MAP3K11: variants seen among roughly 807,000 people sequenced by gnomAD.
The protein encoded by MAP3K11 is mitogen-activated protein kinase kinase kinase 11.
Under a neutral mutation model 84.9 loss-of-function variants are expected in MAP3K11, and 46 were observed. The observed-to-expected ratio is 0.54, with a 90% confidence interval of 0.43 to 0.69. MAP3K11 has a LOEUF of 0.69. MAP3K11 is among the 30% of genes least tolerant of loss of function. The pLI is 0.00. For missense variants in MAP3K11, 1,053 were observed against 1,198.3 expected (o/e 0.88, Z 1.79); for synonymous variants, 527 against 514.7 (o/e 1.02, Z -0.32).
intron 4 of MAP3K11, 54 bp from the exon 5 acceptor site, chr11:65,607,567 C>T: frequency 1.3e-6 from 2 of 1,547,870 alleles, no homozygotes; most frequent in Non-Finnish European, 8.7e-7. Context: ...ATCCCGGCAG[C>T]GCCCGCCCCG....
In MAP3K11 at chr11:65,606,759, C is replaced by T. The variant is rs1305691784; in HGVS notation, c.1535G>A (p.Arg512Gln). The change falls in exon 6 of 10, where the codon CGG (arginine) becomes CAG (glutamine). Residue 512 changes from arginine (R) to glutamine (Q), a missense_variant. Arg to Gln is a conservative substitution (Grantham distance 43, BLOSUM62 1). This residue lies in a region of MAP3K11 where 583 missense variants were observed against 566.6 expected (regional missense o/e 1.03). Transcript: ENST00000309100. Reference protein sequence around the residue: ...ITVQASPGLDRRRNVFEVGPG... With the variant: ...ITVQASPGLDQRRNVFEVGPG... ...CCCGACCTCGAAGACGTTTCTCCTC[C>T]GGTCAAGGCCGGGTGAGGCCTGCAC... 4 of 1,605,986 alleles carry T rather than the reference C, an allele frequency of 2.5e-6. No individual in the cohort carries two copies. The Admixed American group carries it at 5.1e-5, about 20-fold the overall frequency.
At chr11:65,611,169 C>G (rs1415007948) in intron 1 of MAP3K11, 1 of 152,486 alleles carries the variant, frequency 6.6e-6, no homozygotes, top group Non-Finnish European at 1.5e-5. Context: ...TCCCGTGGTC[C>G]CTACTTCTCC....
In MAP3K11 at chr11:65,598,419, A is replaced by G; in HGVS notation, c.2416T>C (p.Phe806Leu). The change falls in exon 10 of 10, where the codon TTC (phenylalanine) becomes CTC (leucine). Residue 806 changes from phenylalanine to leucine, a missense_variant. Physicochemically the swap from Phe to Leu is conservative, Grantham distance 22. Transcript: ENST00000309100. Reference sequence around the variant, plus strand: ...TCCCAGAAGGGGTCTGAGTCCGGGAACAAGGTCCAGGGTGCTCGGCGGGGT... The same window carrying G: ...TCCCAGAAGGGGTCTGAGTCCGGGAGCAAGGTCCAGGGTGCTCGGCGGGGT... ...PAPRRAPWTL[F>L]PDSDPFWDSP... is the part of the protein sequence containing the mutation. 1 of 1,594,740 alleles carries G rather than the reference A, an allele frequency of 6.3e-7. No homozygotes were observed. Among genetic ancestry groups the G allele is most frequent in the Non-Finnish European group, 8.6e-7 (1 of 1,168,632 alleles).
At chr11:65,602,787 A>G (rs1283841222) in intron 8 of MAP3K11, among the ~76,000 whole-genome samples, 1 of 151,552 alleles carries the variant, frequency 6.6e-6, no homozygotes, top group Non-Finnish European at 1.5e-5. Flanking sequence ...CCTGGGTGAC[A>G]GAACAAGACT....
At chr11:65,599,248 C>T in intron 9 of MAP3K11, 146 bp downstream of exon 9, 1 of 1,009,230 alleles carries the variant, frequency 9.9e-7, no homozygotes, top group Non-Finnish European at 1.4e-6. Flanking sequence ...CTACATGCGT[C>T]TTCAGTACCC....
chr11:65,599,101 A>G (rs1854419811), intron 9 of MAP3K11, among the ~76,000 whole-genome samples: 1 of 152,058 alleles, frequency 6.6e-6, no homozygotes, highest in Non-Finnish European at 1.5e-5. Context: ...CAACCTTTCA[A>G]GGCTCACGTG....
At chr11:65,611,927 C>T (rs1045227274) in intron 1 of MAP3K11, 2 of 152,220 alleles carry the variant, frequency 1.3e-5, no homozygotes, top group African/African-American at 4.8e-5. Context: ...GTTGGCAGGC[C>T]TCTCCTGGCT....
rs1176809094 is a variant in MAP3K11, at chr11:65,607,168, C to T, written c.1489+102G>A. 4.8e-5 allele frequency: 65 copies of T among 1,365,670 alleles called. No homozygotes were observed. The Admixed American group carries it at 5.5e-4, about 12-fold the overall frequency. 84.6% of individuals were successfully genotyped at this position (1,365,670 alleles called of 1,614,324 possible). ...CCAGCCTTCATCTCACGGGCCCACC[C>T]ACAACACCCTAAACCAATCCCAGCG... On this transcript the variant is annotated intron_variant, in intron 5 of 9. Coordinates refer to ENST00000309100, the MANE Select transcript of MAP3K11 (RefSeq NM_002419.4).
chr11:65,605,666 G>A (rs531946259), intron 8 of MAP3K11, 95 bp downstream of exon 8: 2 of 840,286 alleles, frequency 2.4e-6, no homozygotes, highest in Admixed American at 5.9e-5. Flanking sequence ...AACCAGGGCA[G>A]GACTCCTGCT....
chr11:65,603,643 G>A (rs1049544483), intron 8 of MAP3K11, among the ~76,000 whole-genome samples: 2 of 152,234 alleles, frequency 1.3e-5, no homozygotes, highest in Non-Finnish European at 2.9e-5. Context: ...GGGTGGCTGT[G>A]AGGTCAATGT....
chr11:65,613,946 G>A lies in MAP3K11; in HGVS notation c.-190C>T. 2 of 725,338 alleles carry A rather than the reference G, an allele frequency of 2.8e-6. No homozygotes were observed. Among genetic ancestry groups the A allele is most frequent in the Non-Finnish European group, 4.4e-6 (2 of 459,308 alleles). 44.9% of individuals were successfully genotyped at this position (725,338 alleles called of 1,614,324 possible). On this transcript the variant is annotated 5_prime_UTR_variant, in exon 1 of 10. Transcript: ENST00000309100. ...CCCCCCGCATCTCGGGCTTCTGGAG[G>A]AGGGCACCCAGGGCAGTGTGGTCAG...
chr11:65,613,893 C>A lies in MAP3K11; in HGVS notation c.-137G>T. The A allele has an allele frequency of 1.0e-6, 1 of 990,002 alleles. No individual in the cohort carries two copies. The highest frequency in any genetic ancestry group is 1.4e-6 in the Non-Finnish European group (1 of 699,058). 61.3% of individuals were successfully genotyped at this position (990,002 alleles called of 1,614,324 possible). ...CCCTCAGCCCCAGACCCACGCCTCT[C>A]TGGGGAGCCAGGAGTGTTGTCTCCC... On this transcript the variant is annotated 5_prime_UTR_variant, in exon 1 of 10. Transcript: ENST00000309100.
At chr11:65,607,551 GC>G (rs1356644126) in intron 4 of MAP3K11, 38 bp from the exon 5 acceptor site, 3 of 1,549,726 alleles carry the variant, frequency 1.9e-6, no homozygotes, top group African/African-American at 1.4e-5. Context: ...GGTCAGCCTG[GC>G]ACCAATCCCG....
At chr11:65,605,659 C>G in intron 8 of MAP3K11, 102 bp downstream of exon 8, 1 of 783,608 alleles carries the variant, frequency 1.3e-6, no homozygotes, top group Non-Finnish European at 2.0e-6. Context: ...TGAGAGCAAC[C>G]AGGGCAGGAC....
chr11:65,604,342 G>A (rs748491050), intron 8 of MAP3K11, among the ~76,000 whole-genome samples: 1 of 152,266 alleles, frequency 6.6e-6, no homozygotes, highest in Non-Finnish European at 1.5e-5. Flanking sequence ...AGGCTCTCAA[G>A]TTCTCCTTTG....
rs1333996889 is a variant in MAP3K11, at chr11:65,601,824, GGTTATCATATCA to G, written c.1832-2068_1832-2057del. Among the ~76,000 whole-genome samples, 4 of 9,220 alleles carry G rather than the reference GGTTATCATATCA, an allele frequency of 4.3e-4. No homozygotes were observed. The Non-Finnish European group carries it at 0.031, about 72-fold the overall frequency. The allele number at this position is 9,220 out of a possible 152,430, so 6.0% of individuals were successfully genotyped here. ...TTTATAATCCTTGCACCAACCACGA[GGTTATCATATCA>G]CCCCCACTTCGCAGGTGAAGAACTG... On this transcript the variant is annotated intron_variant, in intron 8 of 9. Coordinates refer to ENST00000309100, the MANE Select transcript of MAP3K11 (RefSeq NM_002419.4).
In MAP3K11 at chr11:65,599,749, G is replaced by C; in HGVS notation, c.1851C>G (p.Ser617Arg). 2 of 1,592,978 alleles carry C rather than the reference G, an allele frequency of 1.3e-6. No homozygotes were observed. The highest frequency in any genetic ancestry group is 1.7e-6 in the Non-Finnish European group (2 of 1,177,392). Residue 617 changes from serine (S) to arginine (R), a missense_variant, in exon 9 of 10, where the codon AGC becomes AGG. Physicochemically the swap from Ser to Arg is moderately radical, Grantham distance 110 (BLOSUM62 -1). Transcript: ENST00000309100. ...PALNGNPPRP[S>R]LEPEEPKRPV... ...GCCTCTTGGGCTCCTCGGGCTCCAGGCTAGGCCGCGGGGGGTTACCTGCGG... is the reference window on the plus strand; with the variant it reads ...GCCTCTTGGGCTCCTCGGGCTCCAGCCTAGGCCGCGGGGGGTTACCTGCGG...
rs778997363 is a variant in MAP3K11, at chr11:65,606,004, G to C, written c.1681C>G (p.Arg561Gly). The C allele has an allele frequency of 6.2e-7, 1 of 1,602,086 alleles. No homozygotes were observed. Among genetic ancestry groups the C allele is most frequent in the Non-Finnish European group, 8.5e-7 (1 of 1,175,310 alleles). Residue 561 changes from arginine (R) to glycine (G), a missense_variant, in exon 7 of 10, where the codon CGA becomes GGA. Coordinates refer to ENST00000309100, the MANE Select transcript of MAP3K11 (RefSeq NM_002419.4). Reference sequence around the variant, plus strand: ...CTGGGACCCCAAGCCCAGCATGCTCGCCGCTCTCCATTGCTTGAGTCCTCC... The same window carrying C: ...CTGGGACCCCAAGCCCAGCATGCTCCCCGCTCTCCATTGCTTGAGTCCTCC... Reference protein sequence around the residue: ...RLEDSSNGERRACWAWGPSSP... With the variant: ...RLEDSSNGERGACWAWGPSSP...
chr11:65,598,657 C>A (rs1408711909), intron 9 of MAP3K11, 29 bp from the exon 10 acceptor site: 3 of 1,439,074 alleles, frequency 2.1e-6, no homozygotes, highest in Non-Finnish European at 2.8e-6. Context: ...GGCACAGGGT[C>A]AAGCAACCCC....
Sources: allele counts gnomAD v4.1 joint callset (sites outside exome capture counted in the v4.1 genomes callset), GRCh38; gene constraint gnomAD v4.1.1; regional missense constraint gnomAD v4.1.1; transcripts MANE v1.5; gene names NCBI Gene and HGNC (gene_info 2026-07-23, HGNC 2026-07-21).